The following CCSER1 variants were observed in gnomAD, a reference collection of about 807,000 sequenced individuals.
The protein encoded by CCSER1 is coiled-coil serine rich protein 1, also known as serine-rich coiled-coil domain-containing protein 1.
Under a neutral mutation model 82.0 loss-of-function variants are expected in CCSER1, and 41 were observed. The observed-to-expected ratio is 0.50, with a 90% CI of 0.39 to 0.65. CCSER1 has a LOEUF of 0.65. CCSER1 is among the 30% of genes least tolerant of loss of function. The pLI is 0.00. For missense variants in CCSER1, 1,119 were observed against 1,064.2 expected (o/e 1.05, Z -0.72); for synonymous variants, 414 against 383.9 (o/e 1.08, Z -0.92).
intron 9 of CCSER1, among the ~76,000 whole-genome samples, chr4:91,033,504 G>A (rs1404590161): frequency 2.0e-5 from 3 of 152,150 alleles, no homozygotes; most frequent in African/African-American, 7.2e-5. Flanking sequence ...CAGCAGTGTG[G>A]TCAGTGTCTG....
intron 10 of CCSER1, among the ~76,000 whole-genome samples, chr4:91,484,653 A>AT (rs755886201): frequency 2.7e-4 from 41 of 152,124 alleles, no homozygotes; most frequent in Non-Finnish European, 4.4e-4. Context: ...AAGACAAGTG[A>AT]TTTTTAGCTT....
chr4:91,354,718 C>CGG (rs1375738057), intron 10 of CCSER1, among the ~76,000 whole-genome samples: 1 of 152,152 alleles, frequency 6.6e-6, no homozygotes, highest in African/African-American at 2.4e-5. Context: ...TCATCAGGAA[C>CGG]TGGATCTGTA....
chr4:91,076,618 C>T (rs1376460787), intron 9 of CCSER1, among the ~76,000 whole-genome samples: 1 of 151,970 alleles, frequency 6.6e-6, no homozygotes, highest in East Asian at 1.9e-4. Flanking sequence ...TTAATTTCCT[C>T]CTTTGAAAAA....
At chr4:91,380,124 A>C (rs968185791) in intron 10 of CCSER1, among the ~76,000 whole-genome samples, 4 of 152,180 alleles carry the variant, frequency 2.6e-5, no homozygotes, top group Non-Finnish European at 5.9e-5. Flanking sequence ...GTTTGTTATA[A>C]TTTCTGTTCT....
intron 10 of CCSER1, among the ~76,000 whole-genome samples, chr4:91,264,579 C>G (rs749266559): frequency 1.3e-5 from 2 of 151,958 alleles, no homozygotes; most frequent in Non-Finnish European, 2.9e-5. Flanking sequence ...CACTCTCGCA[C>G]TACAATTGTG....
Position 90,587,471 on chromosome 4 carries a change from A to T in CCSER1, c.1725-40554A>T, listed in dbSNP as rs10025673. On this transcript the variant is annotated intron_variant, in intron 5 of 10. Coordinates refer to ENST00000509176, the MANE Select transcript of CCSER1 (RefSeq NM_001145065.2). The stretch of plus-strand genomic sequence containing the variant: ...CTAAAAATACAAAAATTAGCCAGGC[A>T]TGGTGGCAGGTGCCTGTAGTCCCAG... Among the ~76,000 whole-genome samples the T allele has an allele frequency of 5.1e-4, 78 of 152,078 alleles. 1 individual carries two copies. In the East Asian group the frequency reaches 0.014, roughly 27 times the overall value.
rs1278575472 is a variant in CCSER1 at position 90,247,406 on chromosome 4, G to C, written c.-41-60838G>C. 5.9e-5 allele frequency among the ~76,000 whole-genome samples: 9 copies of C among 152,118 alleles called. No individual in the cohort carries two copies. The East Asian group carries it at 1.7e-3, about 29-fold the overall frequency. Reference sequence around the variant, plus strand: ...TTCACAACAATATCGGAATAATATAGATAGAAAATATAACAAGAAAATATA... The same window carrying C: ...TTCACAACAATATCGGAATAATATACATAGAAAATATAACAAGAAAATATA... On this transcript the variant is annotated intron_variant, in intron 1 of 10. Coordinates refer to ENST00000509176, the MANE Select transcript of CCSER1 (RefSeq NM_001145065.2).
At chr4:90,932,992 G>GAAAGAA in intron 9 of CCSER1, among the ~76,000 whole-genome samples, 1 of 44,318 alleles carries the variant, frequency 2.3e-5, no homozygotes, top group Non-Finnish European at 4.1e-5. Flanking sequence ...GAGAAAGAAA[G>GAAAGAA]AAAGAAAGAA....
At chr4:90,180,326 C>G (rs1169900367) in intron 1 of CCSER1, among the ~76,000 whole-genome samples, 1 of 151,966 alleles carries the variant, frequency 6.6e-6, no homozygotes, top group African/African-American at 2.4e-5. Flanking sequence ...CGGTGCCTCA[C>G]GCCCATAATC....
chr4:91,550,287 T>C, intron 10 of CCSER1, among the ~76,000 whole-genome samples: 1 of 152,168 alleles, frequency 6.6e-6, no homozygotes. Context: ...AAACACAAAA[T>C]TGTGGCACCG....
chr4:90,881,857 G>GCCAGA (rs1435642147), intron 8 of CCSER1, among the ~76,000 whole-genome samples: 4 of 152,068 alleles, frequency 2.6e-5, no homozygotes, highest in Non-Finnish European at 4.4e-5. Context: ...CTCTTCCCCT[G>GCCAGA]TCTATTCCAC....
chr4:91,211,049 A>G (rs1295674539), intron 10 of CCSER1, among the ~76,000 whole-genome samples: 1 of 152,046 alleles, frequency 6.6e-6, no homozygotes, highest in Non-Finnish European at 1.5e-5. Context: ...TAAAAAACAA[A>G]TTATATTGGG....
chr4:90,661,960 C>A (rs1014332305), intron 6 of CCSER1, among the ~76,000 whole-genome samples: 23 of 150,512 alleles, frequency 1.5e-4, no homozygotes, highest in Non-Finnish European at 2.2e-4. Flanking sequence ...GCAGTAAGGA[C>A]TGGCTTGTTT....
At chr4:90,249,723 T>C (rs1214341025) in intron 1 of CCSER1, among the ~76,000 whole-genome samples, 1 of 152,322 alleles carries the variant, frequency 6.6e-6, no homozygotes, top group South Asian at 2.1e-4. Flanking sequence ...CTACCACATG[T>C]ATTTTTTTAT....
At chr4:90,505,157 G>C (rs1770505391) in intron 5 of CCSER1, among the ~76,000 whole-genome samples, 1 of 152,162 alleles carries the variant, frequency 6.6e-6, no homozygotes, top group Non-Finnish European at 1.5e-5. Flanking sequence ...TTGGCACTAA[G>C]AACAGAAAAG....
intron 9 of CCSER1, among the ~76,000 whole-genome samples, chr4:91,042,581 A>T (rs919786051): frequency 6.6e-6 from 1 of 152,154 alleles, no homozygotes; most frequent in Admixed American, 6.5e-5. Flanking sequence ...TCTTTCACTA[A>T]TATTCAGTAC....
intron 10 of CCSER1, among the ~76,000 whole-genome samples, chr4:91,552,454 G>A (rs1762201374): frequency 6.6e-6 from 1 of 151,660 alleles, no homozygotes; most frequent in Admixed American, 6.6e-5. Context: ...TAATTAACAA[G>A]ATCATTATAC....
intron 3 of CCSER1, among the ~76,000 whole-genome samples, chr4:90,391,467 TATATATATATATATATATACAC>T (rs1417877945): frequency 3.3e-5 from 3 of 89,842 alleles, no homozygotes; most frequent in African/African-American, 1.9e-4. Flanking sequence ...TATATATATA[TATATATATATATATATATACAC>T]ACACACAGTG....
Position 90,572,998 on chromosome 4 carries a change from C to T in CCSER1, c.1725-55027C>T, listed in dbSNP as rs201556273. On this transcript the variant is annotated intron_variant, in intron 5 of 10. Transcript: ENST00000509176. ...TGGGAAAGCCCTGAGGTATATGTGG[C>T]ACTAGGGTGCATTAGAAACCTGGGA... Among the ~76,000 whole-genome samples, 5 of 152,338 alleles carry T rather than the reference C, an allele frequency of 3.3e-5. No individual in the cohort carries two copies. In the East Asian group the frequency reaches 9.6e-4, roughly 29 times the overall value.
Sources: allele counts gnomAD v4.1 joint callset (sites outside exome capture counted in the v4.1 genomes callset), GRCh38; gene constraint gnomAD v4.1.1; transcripts MANE v1.5; gene names NCBI Gene and HGNC (gene_info 2026-07-23, HGNC 2026-07-21).